Variants in ATP9B observed in about 807,000 individuals in gnomAD.
ATP9B encodes the protein probable phospholipid-transporting ATPase IIB.
Under a neutral mutation model 146.1 loss-of-function variants are expected in ATP9B, and 110 were observed. That is an observed-to-expected ratio of 0.75 (90% CI 0.65 to 0.88). The LOEUF is 0.88. Ranked by LOEUF, ATP9B falls within the 40% of genes least tolerant of loss-of-function variation. ATP9B has a pLI of 0.00. For synonymous variants in ATP9B, 604 were observed against 569.7 expected (o/e 1.06, Z -0.86); for missense variants, 1,499 against 1,496.4 (o/e 1.00, Z -0.03).
At chr18:79,135,418 G>C (rs2094435866) in intron 5 of ATP9B, among the ~76,000 whole-genome samples, 1 of 152,028 alleles carries the variant, frequency 6.6e-6, no homozygotes, top group South Asian at 2.1e-4. Flanking sequence ...CTCTGAATGT[G>C]CCTTCTTGCT....
At chr18:79,114,512 C>T (rs1163448298) in intron 4 of ATP9B, among the ~76,000 whole-genome samples, 2 of 152,160 alleles carry the variant, frequency 1.3e-5, no homozygotes. Flanking sequence ...GGACTAAATT[C>T]TTGTTTCCTG....
At chr18:79,146,639 G>C (rs1435478656) in intron 6 of ATP9B, 1 of 270,054 alleles carries the variant, frequency 3.7e-6, no homozygotes, top group African/African-American at 2.3e-5. Context: ...AGTGACTGAA[G>C]GTCCATGCTG....
At chr18:79,170,249 A>G (rs1455505513) in intron 7 of ATP9B, among the ~76,000 whole-genome samples, 2 of 152,210 alleles carry the variant, frequency 1.3e-5, no homozygotes, top group African/African-American at 4.8e-5. Flanking sequence ...GGTGGCATCG[A>G]TTCCTAGTGT....
intron 1 of ATP9B, among the ~76,000 whole-genome samples, chr18:79,089,965 C>G (rs968274638): frequency 1.3e-5 from 2 of 152,238 alleles, no homozygotes; most frequent in African/African-American, 4.8e-5. Context: ...ATTCTACTCT[C>G]TGTCTCCATA....
chr18:79,176,815 T>C lies in ATP9B; in HGVS notation c.781T>C (p.Ser261Pro), dbSNP rs905564242. 2.5e-6 allele frequency: 4 copies of C among 1,613,954 alleles called. No individual in the cohort carries two copies. The highest frequency in any genetic ancestry group is 3.4e-6 in the Non-Finnish European group (4 of 1,179,866). The stretch of plus-strand genomic sequence containing the variant: ...AATTTTTATTCTCTACTTCCAAGGT[T>C]CGTGTTTTATTCGAACTGATCAACT... ...VFLRTSEKAG[S>P]CFIRTDQLDG... is the part of the protein sequence containing the mutation. Residue 261 changes from serine to proline, a missense_variant and splice_region_variant, in exon 8 of 30, where the codon TCG (serine) becomes CCG (proline). Transcript: ENST00000426216.
At chr18:79,225,108 A>C (rs961037570) in intron 11 of ATP9B, among the ~76,000 whole-genome samples, 3 of 152,172 alleles carry the variant, frequency 2.0e-5, no homozygotes, top group African/African-American at 7.2e-5. Context: ...ATTTCTCTCT[A>C]CAGTTATCTT....
chr18:79,324,089 GTCT>G (rs757095295), intron 15 of ATP9B, among the ~76,000 whole-genome samples: 3 of 152,132 alleles, frequency 2.0e-5, no homozygotes, highest in Admixed American at 6.5e-5. Flanking sequence ...CCGTTTGTGT[GTCT>G]TCTTTTGAGA....
intron 13 of ATP9B, among the ~76,000 whole-genome samples, chr18:79,281,469 C>T (rs2096376015): frequency 6.6e-6 from 1 of 151,778 alleles, no homozygotes; most frequent in East Asian, 1.9e-4. Context: ...TGCATGCCAG[C>T]CTGGGCAACA....
chr18:79,078,166 A>C (rs1302939355), intron 1 of ATP9B: 1 of 152,110 alleles, frequency 6.6e-6, no homozygotes, highest in African/African-American at 2.4e-5. Flanking sequence ...AGGTGAGGCT[A>C]TTTGCTTTTT....
In ATP9B at chr18:79,344,289, T is replaced by G; in HGVS notation, c.2407T>G (p.Leu803Val). Residue 803 changes from leucine (L) to valine (V), a missense_variant, in exon 21 of 30, where the codon TTG (leucine) becomes GTG (valine). Leu to Val is a conservative substitution (Grantham distance 32, BLOSUM62 1). Transcript: ENST00000426216. ...GGTAACCAGTCGGGGAGAGGCACATTTGGAGCTGAATGCATTTCGAAGGAA... is the reference window on the plus strand; with the variant it reads ...GGTAACCAGTCGGGGAGAGGCACATGTGGAGCTGAATGCATTTCGAAGGAA... ...RQVTSRGEAHLELNAFRRKHD... is the reference protein window; with the variant it reads ...RQVTSRGEAHVELNAFRRKHD... 1 of 1,614,206 alleles carries G rather than the reference T, an allele frequency of 6.2e-7. No homozygotes were observed. Among genetic ancestry groups the G allele is most frequent in the East Asian group, 2.2e-5 (1 of 44,884 alleles).
intron 12 of ATP9B, among the ~76,000 whole-genome samples, chr18:79,256,417 C>A (rs2096081986): frequency 6.6e-6 from 1 of 150,456 alleles, no homozygotes; most frequent in South Asian, 2.1e-4. Flanking sequence ...CCCATGCTAC[C>A]ATCTTTACAC....
intron 1 of ATP9B, among the ~76,000 whole-genome samples, chr18:79,072,216 T>G (rs1399784299): frequency 6.6e-6 from 1 of 151,910 alleles, no homozygotes; most frequent in East Asian, 1.9e-4. Context: ...TTTGGCAGGG[T>G]CATAGGACAA....
intron 1 of ATP9B, among the ~76,000 whole-genome samples, chr18:79,088,035 A>G (rs1441803204): frequency 6.6e-6 from 1 of 152,234 alleles, no homozygotes; most frequent in East Asian, 1.9e-4. Flanking sequence ...AAAAAAATCC[A>G]TTATTCATCA....
intron 4 of ATP9B, 112 bp from the exon 5 acceptor site, chr18:79,126,155 A>T: frequency 1.3e-6 from 1 of 788,812 alleles, no homozygotes; most frequent in East Asian, 2.8e-5. Flanking sequence ...CATTTATTTT[A>T]TGTTTTAGAG....
chr18:79,126,309 G>A lies in ATP9B; in HGVS notation c.601G>A (p.Glu201Lys). ...TACTATGACACGGGAAGCAATTGAT[G>A]AATTTCGGCGTTTTCAGCGTGACAA... ...AVTMTREAID[E>K]FRRFQRDKEV... is the part of the protein sequence containing the mutation. Residue 201 changes from glutamate to lysine, a missense_variant, in exon 5 of 30, where the codon GAA (glutamate) becomes AAA (lysine). Physicochemically the swap from Glu to Lys is moderately conservative, Grantham distance 56 (BLOSUM62 1). Coordinates refer to ENST00000426216, the MANE Select transcript of ATP9B (RefSeq NM_198531.5). 6.2e-7 allele frequency: 1 copy of A among 1,612,184 alleles called. No homozygotes were observed. The highest frequency in any genetic ancestry group is 8.5e-7 in the Non-Finnish European group (1 of 1,178,684).
At chr18:79,345,946 G>A (rs563213125) in intron 23 of ATP9B, 107 bp downstream of exon 23, 39 of 1,235,746 alleles carry the variant, frequency 3.2e-5, no homozygotes, top group South Asian at 8.5e-5. Context: ...GTCAGTGCAC[G>A]TCAGCATGTG....
chr18:79,174,062 AATC>A lies in ATP9B; in HGVS notation c.779-2742_779-2740del, dbSNP rs147509647. On this transcript the variant is annotated intron_variant, in intron 7 of 29. Coordinates refer to ENST00000426216, the MANE Select transcript of ATP9B (RefSeq NM_198531.5). Reference sequence around the variant, plus strand: ...GACTGCACTTTTCCTCCTCTTGTAGAATCATCATCATTTTTAAAAATTTAATGT... The same window carrying A: ...GACTGCACTTTTCCTCCTCTTGTAGAATCATCATTTTTAAAAATTTAATGT... 336 of 299,914 alleles carry A rather than the reference AATC, an allele frequency of 1.1e-3. 1 individual carries two copies. Among genetic ancestry groups the A allele is most frequent in the African/African-American group, 7.2e-3 (319 of 44,302 alleles). 18.6% of individuals were successfully genotyped at this position (299,914 alleles called of 1,614,324 possible).
chr18:79,157,207 TACACACAC>T lies in ATP9B; in HGVS notation c.778+2685_778+2692del, dbSNP rs147810207. Among the ~76,000 whole-genome samples the T allele has an allele frequency of 3.8e-3, 513 of 135,376 alleles. 6 individuals are homozygous for T. The highest frequency in any genetic ancestry group is 0.011 in the African/African-American group (373 of 35,496). 88.8% of individuals were successfully genotyped at this position (135,376 alleles called of 152,430 possible). On this transcript the variant is annotated intron_variant, in intron 7 of 29. Coordinates refer to ENST00000426216, the MANE Select transcript of ATP9B (RefSeq NM_198531.5). ...AAAACCCCGTCTCTACTAAAAAAAATACACACACACACACACACACACACACACACACA... is the reference window on the plus strand; with the variant it reads ...AAAACCCCGTCTCTACTAAAAAAAATACACACACACACACACACACACACA...
intron 15 of ATP9B, among the ~76,000 whole-genome samples, chr18:79,325,763 C>T (rs146034916): frequency 1.8e-4 from 28 of 152,300 alleles, no homozygotes; most frequent in African/African-American, 6.7e-4. Flanking sequence ...GGCTTTGCTC[C>T]CGGCACTCCC....
Sources: allele counts gnomAD v4.1 joint callset (sites outside exome capture counted in the v4.1 genomes callset), GRCh38; gene constraint gnomAD v4.1.1; transcripts MANE v1.5; gene names NCBI Gene and HGNC (gene_info 2026-07-23, HGNC 2026-07-21).